HNRNPLL: variants seen among roughly 807,000 people sequenced by gnomAD.
The protein encoded by HNRNPLL is heterogeneous nuclear ribonucleoprotein L-like.
In HNRNPLL, 25 loss-of-function variants were observed where a neutral mutation model predicts 67.1. The observed-to-expected ratio is 0.37, with a 90% CI of 0.27 to 0.52. The LOEUF is 0.52. HNRNPLL is among the 20% of genes least tolerant of loss of function. The pLI is 0.90. For missense variants in HNRNPLL, 542 were observed against 673.9 expected, an observed-to-expected ratio of 0.80 and a Z score of 2.17; for synonymous variants, 267 against 241.7, an observed-to-expected ratio of 1.10 and a Z score of -0.97.
chr2:38,585,037 T>A (rs1436899395), intron 3 of HNRNPLL, among the ~76,000 whole-genome samples: 1 of 152,194 alleles, frequency 6.6e-6, no homozygotes, highest in Non-Finnish European at 1.5e-5. Flanking sequence ...TGATACCAAC[T>A]GAAGTTTCCC....
At chr2:38,569,088 T>A in intron 10 of HNRNPLL, 45 bp downstream of exon 10, 3 of 1,331,358 alleles carry the variant, frequency 2.3e-6, no homozygotes, top group Non-Finnish European at 3.2e-6. Flanking sequence ...GATTTTAAAA[T>A]AGGAAATAGC....
chr2:38,565,719 C>A lies in HNRNPLL; in HGVS notation c.1574-1482G>T, dbSNP rs975916993. ...ATTCCAGGCTAGGAGATGAGCAAGA[C>A]CCTGTCTCAAAAAAAAAAAAAAAAA... On this transcript the variant is annotated intron_variant, in intron 12 of 12. Coordinates refer to ENST00000449105, the MANE Select transcript of HNRNPLL (RefSeq NM_138394.4). Among the ~76,000 whole-genome samples, 23 of 114,124 alleles carry A rather than the reference C, an allele frequency of 2.0e-4. No individual in the cohort carries two copies. The East Asian group carries it at 5.6e-3, about 28-fold the overall frequency. The allele number at this position is 114,124 out of a possible 152,430, so 74.9% of individuals were successfully genotyped here.
intron 12 of HNRNPLL, among the ~76,000 whole-genome samples, chr2:38,567,252 G>A (rs1054204998): frequency 2.0e-5 from 3 of 151,896 alleles, no homozygotes; most frequent in African/African-American, 7.3e-5. Flanking sequence ...ACAAGTGTGT[G>A]CCACCACGCC....
chr2:38,602,869 C>G lies in HNRNPLL; in HGVS notation c.-243G>C. 3.9e-6 allele frequency: 6 copies of G among 1,549,374 alleles called. No homozygotes were observed. Among genetic ancestry groups the G allele is most frequent in the Non-Finnish European group, 5.2e-6 (6 of 1,146,276 alleles). On this transcript the variant is annotated 5_prime_UTR_variant, in exon 1 of 13. Coordinates refer to ENST00000449105, the MANE Select transcript of HNRNPLL (RefSeq NM_138394.4). ...TCCTCTCAATTACCGAGCCAACATTCAGCCTCTCCCTCCTCCTCCTCCGTC... is the reference window on the plus strand; with the variant it reads ...TCCTCTCAATTACCGAGCCAACATTGAGCCTCTCCCTCCTCCTCCTCCGTC...
rs140139422 is a variant in HNRNPLL, at chr2:38,593,393, T to C, written c.190-1745A>G. On this transcript the variant is annotated intron_variant, in intron 1 of 12. Coordinates refer to ENST00000449105, the MANE Select transcript of HNRNPLL (RefSeq NM_138394.4). ...CCAAACACAGCATGTATTTAAAGTA[T>C]AACAAGTTTTACTCTCAAAATAATT... Among the ~76,000 whole-genome samples the C allele has an allele frequency of 1.2e-3, 176 of 152,346 alleles. 5 individuals carry two copies. In the East Asian group the frequency reaches 0.032, roughly 28 times the overall value.
chr2:38,589,501 G>A (rs899239070), intron 2 of HNRNPLL, among the ~76,000 whole-genome samples: 1 of 152,136 alleles, frequency 6.6e-6, no homozygotes, highest in African/African-American at 2.4e-5. Context: ...ACCTATTTAT[G>A]CCAATTAAGC....
chr2:38,591,486 TCTA>T, intron 2 of HNRNPLL, 41 bp downstream of exon 2: 1 of 989,516 alleles, frequency 1.0e-6, no homozygotes, highest in Non-Finnish European at 1.6e-6. Context: ...CAAGGATTAT[TCTA>T]CCACAGTTTT....
At position 38,585,948 on chromosome 2, in the gene HNRNPLL, TTAAG is replaced by T. The variant is rs1176874211; in HGVS notation, c.309-71_309-68del. On this transcript the variant is annotated intron_variant, in intron 2 of 12. Coordinates refer to ENST00000449105, the MANE Select transcript of HNRNPLL (RefSeq NM_138394.4). The stretch of plus-strand genomic sequence containing the variant: ...TTCCGTTAACATTATTTGTCCTCAA[TTAAG>T]TAAAAGCAGACTTTAATAAAAATGT... 3 of 953,882 alleles carry T rather than the reference TTAAG, an allele frequency of 3.1e-6. No homozygotes were observed. In the East Asian group the frequency reaches 7.2e-5, roughly 23 times the overall value. 59.1% of individuals were successfully genotyped at this position (953,882 alleles called of 1,614,324 possible). A position where few individuals can be genotyped will look rare whatever the true frequency, so the allele number is the denominator to read the frequency against.
At chr2:38,601,343 C>T (rs1163479807) in intron 1 of HNRNPLL, among the ~76,000 whole-genome samples, 2 of 152,080 alleles carry the variant, frequency 1.3e-5, no homozygotes, top group Non-Finnish European at 2.9e-5. Context: ...TAAAGGGCTT[C>T]TAATGTGCGT....
In HNRNPLL at chr2:38,595,272, TAAAAAAAAAAAAAAAA is replaced by T. The variant is rs70954734; in HGVS notation, c.190-3640_190-3625del. Among the ~76,000 whole-genome samples, 142 of 68,776 alleles carry T rather than the reference TAAAAAAAAAAAAAAAA, an allele frequency of 2.1e-3. 2 individuals carry two copies. Among genetic ancestry groups the T allele is most frequent in the Admixed American group, 5.6e-3 (29 of 5,140 alleles). 45.1% of individuals were successfully genotyped at this position (68,776 alleles called of 152,430 possible). On this transcript the variant is annotated intron_variant, in intron 1 of 12. Coordinates refer to ENST00000449105, the MANE Select transcript of HNRNPLL (RefSeq NM_138394.4). Reference sequence around the variant, plus strand: ...CCTGGGTGATGAGCAAGACCTTGTCTAAAAAAAAAAAAAAAAAAAAAAAAAGAAAAGAAAAAAACAC... The same window carrying T: ...CCTGGGTGATGAGCAAGACCTTGTCTAAAAAAAAAGAAAAGAAAAAAACAC...
At position 38,579,753 on chromosome 2, in the gene HNRNPLL, TA is replaced by T. The variant is rs561479570; in HGVS notation, c.802+2159del. Among the ~76,000 whole-genome samples, 990 of 147,802 alleles carry T rather than the reference TA, an allele frequency of 6.7e-3. 3 individuals are homozygous for T. Among genetic ancestry groups the T allele is most frequent in the African/African-American group, 0.012 (490 of 40,542 alleles). ...TAAAAAAGTTTTTATTTTTTTTGGT[TA>T]AAAAAAAAAATGTTATGAAGGTCTT... On this transcript the variant is annotated intron_variant, in intron 6 of 12. Transcript: ENST00000449105.
At chr2:38,568,124 T>C in intron 12 of HNRNPLL, 75 bp downstream of exon 12, 1 of 894,770 alleles carries the variant, frequency 1.1e-6, no homozygotes, top group Non-Finnish European at 1.7e-6. Context: ...AGTGTTATTT[T>C]TATATTACCA....
At chr2:38,591,736 G>C in intron 1 of HNRNPLL, 88 bp from the exon 2 acceptor site, 2 of 757,126 alleles carry the variant, frequency 2.6e-6, no homozygotes, top group Non-Finnish European at 4.4e-6. Flanking sequence ...TGCACTTTGG[G>C]AGGTCAAAGT....
intron 1 of HNRNPLL, among the ~76,000 whole-genome samples, chr2:38,594,833 A>G (rs1363792625): frequency 6.6e-6 from 1 of 151,560 alleles, no homozygotes; most frequent in Non-Finnish European, 1.5e-5. Flanking sequence ...GTCTGTAGCT[A>G]CTCAGGAAGC....
chr2:38,565,727 CAAAA>C lies in HNRNPLL; in HGVS notation c.1574-1494_1574-1491del, dbSNP rs200356084. Among the ~76,000 whole-genome samples the C allele has an allele frequency of 7.0e-3, 515 of 73,240 alleles. 2 individuals are homozygous for C. The highest frequency in any genetic ancestry group is 0.032 in the South Asian group (81 of 2,510). 48.0% of individuals were successfully genotyped at this position (73,240 alleles called of 152,430 possible). A position where few individuals can be genotyped will look rare whatever the true frequency, so the allele number is the denominator to read the frequency against. ...CTAGGAGATGAGCAAGACCCTGTCTCAAAAAAAAAAAAAAAAAAAAAAAAAAAGG... is the reference window on the plus strand; with the variant it reads ...CTAGGAGATGAGCAAGACCCTGTCTCAAAAAAAAAAAAAAAAAAAAAAAGG... On this transcript the variant is annotated intron_variant, in intron 12 of 12. Transcript: ENST00000449105.
intron 4 of HNRNPLL, among the ~76,000 whole-genome samples, chr2:38,582,529 C>T (rs575782898): frequency 6.6e-6 from 1 of 152,258 alleles, no homozygotes; most frequent in African/African-American, 2.4e-5. Flanking sequence ...CCAGGATTGT[C>T]TCGATCTCTT....
intron 4 of HNRNPLL, among the ~76,000 whole-genome samples, chr2:38,583,209 C>T (rs550142609): frequency 6.6e-6 from 1 of 152,162 alleles, no homozygotes; most frequent in African/African-American, 2.4e-5. Flanking sequence ...AATAAAATCA[C>T]AAAGGTATAT....
chr2:38,585,934 T>G, intron 2 of HNRNPLL, 53 bp from the exon 3 acceptor site: 3 of 1,054,766 alleles, frequency 2.8e-6, no homozygotes, highest in Non-Finnish European at 4.4e-6. Flanking sequence ...TCCGTTAACA[T>G]TATTTGTCCT....
intron 12 of HNRNPLL, among the ~76,000 whole-genome samples, chr2:38,565,300 A>G (rs1665814487): frequency 6.6e-6 from 1 of 152,204 alleles, no homozygotes; most frequent in Non-Finnish European, 1.5e-5. Context: ...TTTATAATCT[A>G]TATACTGTCT....
Sources: allele counts gnomAD v4.1 joint callset (sites outside exome capture counted in the v4.1 genomes callset), GRCh38; gene constraint gnomAD v4.1.1; transcripts MANE v1.5; gene names NCBI Gene and HGNC (gene_info 2026-07-23, HGNC 2026-07-21).